NKAIN2: variants seen among roughly 807,000 people sequenced by gnomAD.
NKAIN2 encodes sodium/potassium transporting ATPase interacting 2, also known as sodium/potassium-transporting ATPase subunit beta-1-interacting protein 2.
Under a neutral mutation model 32.6 loss-of-function variants are expected in NKAIN2, and 14 were observed. That is an observed-to-expected ratio of 0.43 (90% CI 0.28 to 0.67). NKAIN2 has a LOEUF of 0.67. NKAIN2 is among the 30% of genes least tolerant of loss of function. The probability of loss-of-function intolerance (pLI) is 0.17; values close to 1 mark genes in which losing one functional copy is unlikely to be tolerated. For missense variants in NKAIN2, 198 were observed against 258.3 expected (o/e 0.77, Z 1.60); for synonymous variants, 80 against 87.2 (o/e 0.92, Z 0.46).
At chr6:124,187,531 ACTT>A (rs1789806511) in intron 1 of NKAIN2, among the ~76,000 whole-genome samples, 1 of 152,174 alleles carries the variant, frequency 6.6e-6, no homozygotes, top group Non-Finnish European at 1.5e-5. Context: ...TATGGGCCCT[ACTT>A]TAGGCGTATT....
intron 4 of NKAIN2, among the ~76,000 whole-genome samples, chr6:124,703,928 C>T (rs1299452287): frequency 6.6e-6 from 1 of 151,632 alleles, no homozygotes; most frequent in African/African-American, 2.4e-5. Flanking sequence ...TGTATATCTG[C>T]CATCTGAAAT....
At chr6:124,229,759 A>G (rs1388546822) in intron 1 of NKAIN2, among the ~76,000 whole-genome samples, 1 of 152,108 alleles carries the variant, frequency 6.6e-6, no homozygotes, top group Non-Finnish European at 1.5e-5. Context: ...GCCTGCTGCC[A>G]TCCATGTAAA....
intron 3 of NKAIN2, among the ~76,000 whole-genome samples, chr6:124,525,947 G>A (rs769089524): frequency 3.9e-5 from 6 of 152,086 alleles, no homozygotes; most frequent in Admixed American, 6.6e-5. Context: ...TATCAACATA[G>A]CACAAAATAA....
intron 4 of NKAIN2, among the ~76,000 whole-genome samples, chr6:124,696,387 G>A (rs1774498263): frequency 1.3e-5 from 2 of 151,924 alleles, no homozygotes; most frequent in Admixed American, 1.3e-4. Flanking sequence ...ATATTTTGGG[G>A]CATCATTTTC....
intron 1 of NKAIN2, among the ~76,000 whole-genome samples, chr6:124,118,712 A>C (rs1785736341): frequency 6.6e-6 from 1 of 152,194 alleles, no homozygotes; most frequent in African/African-American, 2.4e-5. Context: ...ATCTCTGAGG[A>C]CAGAGGTCTA....
rs542020928 is a variant in NKAIN2 at position 124,573,204 on chromosome 6, T to A, written c.274-84982T>A. On this transcript the variant is annotated intron_variant, in intron 3 of 6. Transcript: ENST00000368417. ...TTAAGCCCCTGACAGTGGAACACCATACACAAAAGCATGAAGCAGTACATT... is the reference window on the plus strand; with the variant it reads ...TTAAGCCCCTGACAGTGGAACACCAAACACAAAAGCATGAAGCAGTACATT... Among the ~76,000 whole-genome samples, 8 of 152,324 alleles carry A rather than the reference T, an allele frequency of 5.3e-5. 1 individual carries two copies. In the South Asian group the frequency reaches 1.7e-3, roughly 32 times the overall value.
intron 3 of NKAIN2, among the ~76,000 whole-genome samples, chr6:124,421,092 A>C (rs937800294): frequency 2.0e-5 from 3 of 149,450 alleles, no homozygotes; most frequent in African/African-American, 7.6e-5. Flanking sequence ...AAAAAAAAAA[A>C]AACATGTTTT....
intron 3 of NKAIN2, among the ~76,000 whole-genome samples, chr6:124,642,645 T>C (rs907888768): frequency 4.6e-5 from 7 of 152,170 alleles, no homozygotes; most frequent in African/African-American, 1.7e-4. Context: ...TCCCCCACTA[T>C]TCCATCTCCT....
intron 4 of NKAIN2, among the ~76,000 whole-genome samples, chr6:124,759,098 C>A (rs180776666): frequency 6.6e-6 from 1 of 152,094 alleles, no homozygotes; most frequent in Non-Finnish European, 1.5e-5. Context: ...ATTGGGCATG[C>A]CCCTAGCATT....
At position 124,417,770 on chromosome 6, in the gene NKAIN2, G is replaced by A. The variant is rs868148135; in HGVS notation, c.273+62423G>A. Reference sequence around the variant, plus strand: ...CTCTGTCTCAGGCTTTCTTCAGCCTGGAGTTGTCAAGTGAAAATTCCAGGG... The same window carrying A: ...CTCTGTCTCAGGCTTTCTTCAGCCTAGAGTTGTCAAGTGAAAATTCCAGGG... On this transcript the variant is annotated intron_variant, in intron 3 of 6. Transcript: ENST00000368417. 6.6e-5 allele frequency among the ~76,000 whole-genome samples: 10 copies of A among 152,236 alleles called. No individual in the cohort carries two copies. In the Middle Eastern group the frequency reaches 0.01, roughly 155 times the overall value.
intron 3 of NKAIN2, among the ~76,000 whole-genome samples, chr6:124,566,917 C>T (rs1780936853): frequency 6.6e-6 from 1 of 152,088 alleles, no homozygotes; most frequent in Non-Finnish European, 1.5e-5. Flanking sequence ...AAGAGAATGT[C>T]CATAATTAAG....
intron 3 of NKAIN2, among the ~76,000 whole-genome samples, chr6:124,627,156 G>C (rs568307572): frequency 2.2e-4 from 33 of 152,146 alleles, no homozygotes; most frequent in African/African-American, 7.7e-4. Flanking sequence ...TGTAATCCCA[G>C]CTACTCAGGA....
At position 124,434,003 on chromosome 6, in the gene NKAIN2, A is replaced by T. The variant is rs140817531; in HGVS notation, c.273+78656A>T. On this transcript the variant is annotated intron_variant, in intron 3 of 6. Coordinates refer to ENST00000368417, the MANE Select transcript of NKAIN2 (RefSeq NM_001040214.3). ...CGAAAAAAATCCCTCATCTACTGAG[A>T]TGCTATAGACATTACATCTGTCATT... Among the ~76,000 whole-genome samples, 972 of 152,252 alleles carry T rather than the reference A, an allele frequency of 6.4e-3. 8 individuals are homozygous for T. Among genetic ancestry groups the T allele is most frequent in the Non-Finnish European group, 8.7e-3 (591 of 68,014 alleles).
chr6:124,030,315 T>C (rs1178662072), intron 1 of NKAIN2, among the ~76,000 whole-genome samples: 2 of 152,164 alleles, frequency 1.3e-5, no homozygotes, highest in Non-Finnish European at 2.9e-5. Flanking sequence ...ATGGAAATAT[T>C]GTTTTCCACG....
At chr6:124,810,366 A>G (rs1780834398) in intron 5 of NKAIN2, among the ~76,000 whole-genome samples, 3 of 152,160 alleles carry the variant, frequency 2.0e-5, no homozygotes, top group African/African-American at 4.8e-5. Context: ...CATCATTCTC[A>G]GTAAACTATC....
At chr6:124,082,449 G>A (rs1374924227) in intron 1 of NKAIN2, among the ~76,000 whole-genome samples, 1 of 151,922 alleles carries the variant, frequency 6.6e-6, no homozygotes, top group East Asian at 1.9e-4. Flanking sequence ...TTCCTAATAT[G>A]TACTTCAATA....
intron 3 of NKAIN2, among the ~76,000 whole-genome samples, chr6:124,621,815 G>A (rs773746704): frequency 6.6e-6 from 1 of 152,086 alleles, no homozygotes; most frequent in Non-Finnish European, 1.5e-5. Flanking sequence ...TGCAGCTGGA[G>A]GCACTTCCTT....
chr6:124,149,581 GTTAAC>G (rs1787593074), intron 1 of NKAIN2, among the ~76,000 whole-genome samples: 1 of 152,142 alleles, frequency 6.6e-6, no homozygotes, highest in African/African-American at 2.4e-5. Flanking sequence ...TTGAAAATCA[GTTAAC>G]CATAAATGTA....
intron 1 of NKAIN2, among the ~76,000 whole-genome samples, chr6:124,049,885 CA>C (rs1782325889): frequency 6.6e-6 from 1 of 151,970 alleles, no homozygotes; most frequent in Admixed American, 6.6e-5. Context: ...GTGATACCAG[CA>C]GTTTGGACGT....
Sources: gnomAD v4.1 joint callset for allele counts (sites outside exome capture counted in the v4.1 genomes callset) on GRCh38, gnomAD v4.1.1 for gene constraint, MANE v1.5 for transcripts, NCBI Gene and HGNC (gene_info 2026-07-23, HGNC 2026-07-21) for gene names.